The following KCNQ1 variants were observed in gnomAD, a reference collection of about 807,000 sequenced individuals.
The protein encoded by KCNQ1 is potassium voltage-gated channel subfamily Q member 1.
Under a neutral mutation model 72.4 loss-of-function variants are expected in KCNQ1, and 49 were observed. That is an observed-to-expected ratio of 0.68 (90% CI 0.54 to 0.86). The LOEUF (loss-of-function observed/expected upper bound fraction) is 0.86, where lower values mean the gene tolerates loss of function less well. Among genes scored for constraint, KCNQ1 ranks in the 40% least tolerant of loss-of-function variants. KCNQ1 has a pLI of 0.00. For synonymous variants in KCNQ1, 450 were observed against 412.6 expected (o/e 1.09, Z -1.10); for missense variants, 790 against 945.1 (o/e 0.84, Z 2.15).
chr11:2,525,444 G>C (rs991809971), intron 1 of KCNQ1, among the ~76,000 whole-genome samples: 6 of 152,268 alleles, frequency 3.9e-5, no homozygotes, highest in African/African-American at 1.4e-4. Flanking sequence ...AGACAGATGA[G>C]AGCAGGGGTG....
intron 2 of KCNQ1, among the ~76,000 whole-genome samples, chr11:2,569,844 C>T (rs1006567593): frequency 5.9e-5 from 9 of 152,236 alleles, no homozygotes; most frequent in Admixed American, 2.0e-4. Context: ...TGAGGCCCAG[C>T]TTTCCACTTC....
chr11:2,690,617 G>A lies in KCNQ1; in HGVS notation c.1514+28536G>A. On this transcript the variant is annotated intron_variant, in intron 11 of 15. Coordinates refer to ENST00000155840, the MANE Select transcript of KCNQ1 (RefSeq NM_000218.3). This position sits in a 1 kb window ranked among gnomAD's most constrained non-coding sequence, Gnocchi z 5.1. ...GGGAGTGGGGCACACATATGTGCAT[G>A]TTCATATATGTGTCAGAATGCGTAT... 2.5e-6 allele frequency: 1 copy of A among 398,696 alleles called. No homozygotes were observed. Among genetic ancestry groups the A allele is most frequent in the Non-Finnish European group, 4.4e-6 (1 of 226,086 alleles). 24.7% of individuals were successfully genotyped at this position (398,696 alleles called of 1,614,324 possible).
Position 2,659,579 on chromosome 11 carries a change from T to C in KCNQ1, c.1394-2382T>C, listed in dbSNP as rs921145239. On this transcript the variant is annotated intron_variant, in intron 10 of 15. Coordinates refer to ENST00000155840, the MANE Select transcript of KCNQ1 (RefSeq NM_000218.3). The surrounding 1 kb of genome is among the most constrained non-coding windows in gnomAD (Gnocchi z 4.3). ...GTTACTATACACATTTATGTACAGG[T>C]TTTTGCGAACATAAAAATTCAATTC... 1 of 398,368 alleles carries C rather than the reference T, an allele frequency of 2.5e-6. No individual in the cohort carries two copies. The highest frequency in any genetic ancestry group is 4.4e-6 in the Non-Finnish European group (1 of 226,012). The allele number at this position is 398,368 out of a possible 1,614,324, so 24.7% of individuals were successfully genotyped here. A position where few individuals can be genotyped will look rare whatever the true frequency, so the allele number is the denominator to read the frequency against.
In KCNQ1 at chr11:2,482,729, C is replaced by A. The variant is rs991021996; in HGVS notation, c.386+37245C>A. On this transcript the variant is annotated intron_variant, in intron 1 of 15. Coordinates refer to ENST00000155840, the MANE Select transcript of KCNQ1 (RefSeq NM_000218.3). This position sits in a 1 kb window ranked among gnomAD's most constrained non-coding sequence, Gnocchi z 5.7. ...TATGATGAAGCAAAAATAGAATATC[C>A]TTCCTCCTCTTAGTGAGGGGAGTAT... Among the ~76,000 whole-genome samples the A allele has an allele frequency of 1.3e-5, 2 of 152,272 alleles. No individual in the cohort carries two copies. The highest frequency in any genetic ancestry group is 3.4e-3 in the Middle Eastern group (1 of 294).
At chr11:2,836,337 A>G (rs1590120361) in intron 15 of KCNQ1, among the ~76,000 whole-genome samples, 1 of 152,164 alleles carries the variant, frequency 6.6e-6, no homozygotes, top group East Asian at 1.9e-4. Flanking sequence ...AGGTGCAGGG[A>G]GGCCCATCTG....
intron 10 of KCNQ1, chr11:2,640,488 G>C: frequency 2.5e-6 from 1 of 397,704 alleles, no homozygotes; most frequent in Non-Finnish European, 4.4e-6. Flanking sequence ...GTCGTGCATT[G>C]TTGCCCAGGC....
intron 2 of KCNQ1, among the ~76,000 whole-genome samples, chr11:2,539,980 C>A (rs1038670999): frequency 6.6e-6 from 1 of 152,154 alleles, no homozygotes; most frequent in African/African-American, 2.4e-5. Flanking sequence ...CACAACACAA[C>A]GGGACGGGCT....
rs1564801060 is a variant in KCNQ1, at chr11:2,508,902, T to C, written c.387-19026T>C. Among the ~76,000 whole-genome samples, 1 of 152,188 alleles carries C rather than the reference T, an allele frequency of 6.6e-6. No homozygotes were observed. The highest frequency in any genetic ancestry group is 2.4e-5 in the African/African-American group (1 of 41,442). ...CACACAGCCTGGCCCTTGTGGGCAC[T>C]GGAGGGCACCCTACAGTCACAGAGG... is the stretch of plus-strand genomic sequence containing the variant. On this transcript the variant is annotated intron_variant, in intron 1 of 15. Coordinates refer to ENST00000155840, the MANE Select transcript of KCNQ1 (RefSeq NM_000218.3). This position sits in a 1 kb window ranked among gnomAD's most constrained non-coding sequence, Gnocchi z 6.2.
chr11:2,640,354 C>G, intron 10 of KCNQ1: 1 of 398,556 alleles, frequency 2.5e-6, no homozygotes, highest in Non-Finnish European at 4.4e-6. Flanking sequence ...TGGAACCACC[C>G]CACTTACTGC....
Position 2,724,716 on chromosome 11 carries a change from C to T in KCNQ1, c.1515-44128C>T, listed in dbSNP as rs1210229840. The stretch of plus-strand genomic sequence containing the variant: ...GGGCTCACAGAGGAGGACGTGGGGA[C>T]CTGCCCAAGGAGACACAGGCAACAG... On this transcript the variant is annotated intron_variant, in intron 11 of 15. Coordinates refer to ENST00000155840, the MANE Select transcript of KCNQ1 (RefSeq NM_000218.3). This position sits in a 1 kb window ranked among gnomAD's most constrained non-coding sequence, Gnocchi z 6.8. Among the ~76,000 whole-genome samples, 2 of 152,172 alleles carry T rather than the reference C, an allele frequency of 1.3e-5. No individual in the cohort carries two copies. Among genetic ancestry groups the T allele is most frequent in the African/African-American group, 2.4e-5 (1 of 41,440 alleles).
chr11:2,519,576 T>C (rs1204131210), intron 1 of KCNQ1, among the ~76,000 whole-genome samples: 1 of 152,120 alleles, frequency 6.6e-6, no homozygotes, highest in African/African-American at 2.4e-5. Flanking sequence ...GCCAGGATCA[T>C]ACCACTGTCC....
rs148367353 is a variant in KCNQ1, at chr11:2,623,869, G to A, written c.1393+35015G>A. 2.3e-3 allele frequency: 929 copies of A among 398,474 alleles called. 6 individuals are homozygous for A. Among genetic ancestry groups the A allele is most frequent in the African/African-American group, 0.016 (774 of 48,706 alleles). 24.7% of individuals were successfully genotyped at this position (398,474 alleles called of 1,614,324 possible). On this transcript the variant is annotated intron_variant, in intron 10 of 15. Transcript: ENST00000155840. The surrounding 1 kb of genome is among the most constrained non-coding windows in gnomAD (Gnocchi z 5.2). The stretch of plus-strand genomic sequence containing the variant: ...GATTTCGATATACTCTGGATTCTTC[G>A]GGGGATATGTATACACATTCAGAAG...
chr11:2,717,560 G>C (rs752100659), intron 11 of KCNQ1, among the ~76,000 whole-genome samples: 13 of 152,204 alleles, frequency 8.5e-5, no homozygotes, highest in Non-Finnish European at 1.8e-4. Context: ...CTTAGGATGG[G>C]TGAGGGAGAG....
At chr11:2,846,036 C>A in intron 15 of KCNQ1, among the ~76,000 whole-genome samples, 1 of 152,204 alleles carries the variant, frequency 6.6e-6, no homozygotes, top group East Asian at 1.9e-4. Context: ...GCCCACGTCA[C>A]CCAGCAGCAT....
At position 2,654,605 on chromosome 11, in the gene KCNQ1, G is replaced by A. The variant is rs912134725; in HGVS notation, c.1394-7356G>A. 2 of 398,726 alleles carry A rather than the reference G, an allele frequency of 5.0e-6. No homozygotes were observed. Among genetic ancestry groups the A allele is most frequent in the East Asian group, 3.6e-5 (1 of 28,094 alleles). 24.7% of individuals were successfully genotyped at this position (398,726 alleles called of 1,614,324 possible). On this transcript the variant is annotated intron_variant, in intron 10 of 15. Transcript: ENST00000155840. This position sits in a 1 kb window ranked among gnomAD's most constrained non-coding sequence, Gnocchi z 6.4. Reference sequence around the variant, plus strand: ...GGAAGGGCAGGGGGTGAGTGGTTGGGTGAAGTTACTAGGAAGGGCCCAGAC... The same window carrying A: ...GGAAGGGCAGGGGGTGAGTGGTTGGATGAAGTTACTAGGAAGGGCCCAGAC...
rs1161130631 is a variant in KCNQ1, at chr11:2,541,229, T to C, written c.477+13211T>C. On this transcript the variant is annotated intron_variant, in intron 2 of 15. Coordinates refer to ENST00000155840, the MANE Select transcript of KCNQ1 (RefSeq NM_000218.3). The surrounding 1 kb of genome is among the most constrained non-coding windows in gnomAD (Gnocchi z 4.8). Reference sequence around the variant, plus strand: ...GCCTGGATGAGAACAAAATGTCAAGTGTGTGCCGAGAGGCGCAGGCCAGCC... The same window carrying C: ...GCCTGGATGAGAACAAAATGTCAAGCGTGTGCCGAGAGGCGCAGGCCAGCC... 1.3e-5 allele frequency among the ~76,000 whole-genome samples: 2 copies of C among 152,226 alleles called. No homozygotes were observed. The highest frequency in any genetic ancestry group is 6.5e-5 in the Admixed American group (1 of 15,292).
intron 15 of KCNQ1, among the ~76,000 whole-genome samples, chr11:2,806,152 G>C (rs1847368881): frequency 6.6e-6 from 1 of 152,306 alleles, no homozygotes; most frequent in East Asian, 1.9e-4. Flanking sequence ...TACAGAAAAT[G>C]CCCGGAAACG....
chr11:2,542,573 G>A (rs932140154), intron 2 of KCNQ1, among the ~76,000 whole-genome samples: 2 of 152,216 alleles, frequency 1.3e-5, no homozygotes, highest in Non-Finnish European at 1.5e-5. Context: ...AGGCACATCC[G>A]TCACCCCCAG....
rs1006245659 is a variant in KCNQ1 at position 2,543,710 on chromosome 11, CTAG to C, written c.477+15697_477+15699del. On this transcript the variant is annotated intron_variant, in intron 2 of 15. Transcript: ENST00000155840. This position sits in a 1 kb window ranked among gnomAD's most constrained non-coding sequence, Gnocchi z 5.6. ...AACACACTCTTACTAAGATTTTCTG[CTAG>C]TAGTTTTATAATTTTTGTGCTTACC... Among the ~76,000 whole-genome samples, 1 of 152,128 alleles carries C rather than the reference CTAG, an allele frequency of 6.6e-6. No homozygotes were observed. Among genetic ancestry groups the C allele is most frequent in the Middle Eastern group, 3.2e-3 (1 of 316 alleles).
Sources: allele counts gnomAD v4.1 joint callset (sites outside exome capture counted in the v4.1 genomes callset), GRCh38; gene constraint gnomAD v4.1.1; non-coding constraint Gnocchi (gnomAD v3.1); transcripts MANE v1.5; gene names NCBI Gene and HGNC (gene_info 2026-07-23, HGNC 2026-07-21).